The following CSMD1 variants were observed in gnomAD, a reference collection of about 807,000 sequenced individuals.
The protein encoded by CSMD1 is CUB and sushi domain-containing protein 1.
CSMD1 carries 213 observed loss-of-function variants against 417.5 expected under a neutral mutation model. The observed-to-expected ratio is 0.51, with a 90% CI of 0.46 to 0.57. The LOEUF (loss-of-function observed/expected upper bound fraction) is 0.57. Among genes scored for constraint, CSMD1 ranks in the 20% least tolerant of loss-of-function variants. The pLI is 0.00. For synonymous variants in CSMD1, 2,862 were observed against 1,736.8 expected (o/e 1.65, Z -16.11); for missense variants, 6,923 against 4,529.7 (o/e 1.53, Z -15.17).
intron 49 of CSMD1, among the ~76,000 whole-genome samples, chr8:3,075,489 C>T (rs180898756): frequency 5.6e-4 from 85 of 151,718 alleles, no homozygotes; most frequent in African/African-American, 2.0e-3. Flanking sequence ...CCACGTTGGT[C>T]AGGCTGGTCT....
chr8:3,366,280 G>A lies in CSMD1; in HGVS notation c.3115+752C>T, dbSNP rs191402829. Among the ~76,000 whole-genome samples, 533 of 152,228 alleles carry A rather than the reference G, an allele frequency of 3.5e-3. 2 individuals carry two copies. Among genetic ancestry groups the A allele is most frequent in the Non-Finnish European group, 5.9e-3 (404 of 68,026 alleles). On this transcript the variant is annotated intron_variant, in intron 20 of 69. Coordinates refer to ENST00000635120, the MANE Select transcript of CSMD1 (RefSeq NM_033225.6). ...TGCTGGAAATGAAGACACTGCAGAG[G>A]TTCTCAGTGTGACCTGTTCACTGAG...
intron 3 of CSMD1, among the ~76,000 whole-genome samples, chr8:4,082,111 A>T (rs1336561678): frequency 6.6e-6 from 1 of 152,182 alleles, no homozygotes; most frequent in Non-Finnish European, 1.5e-5. Flanking sequence ...AAGAAGAGAT[A>T]TGTATTAACT....
At chr8:4,312,254 A>C (rs2128879326) in intron 3 of CSMD1, among the ~76,000 whole-genome samples, 1 of 151,718 alleles carries the variant, frequency 6.6e-6, no homozygotes, top group Admixed American at 6.6e-5. Context: ...TTGCAATCCT[A>C]ATTTATTGGC....
chr8:3,967,929 A>C (rs931560395), intron 5 of CSMD1, among the ~76,000 whole-genome samples: 17 of 146,094 alleles, frequency 1.2e-4, no homozygotes, highest in Non-Finnish European at 1.0e-4. Flanking sequence ...GCACTTTGGG[A>C]GGCCGAGGTG....
chr8:4,310,259 G>C (rs769534497), intron 3 of CSMD1, among the ~76,000 whole-genome samples: 2 of 152,130 alleles, frequency 1.3e-5, no homozygotes, highest in African/African-American at 2.4e-5. Context: ...AAAATATGAA[G>C]TTAGAACTGT....
chr8:4,618,155 C>G (rs1056331283), intron 2 of CSMD1, among the ~76,000 whole-genome samples: 1 of 152,064 alleles, frequency 6.6e-6, no homozygotes, highest in Non-Finnish European at 1.5e-5. Context: ...AAACCAGAAC[C>G]CAAACCTAGG....
At chr8:4,325,519 C>T (rs1340921153) in intron 3 of CSMD1, among the ~76,000 whole-genome samples, 4 of 152,200 alleles carry the variant, frequency 2.6e-5, no homozygotes, top group Admixed American at 6.5e-5. Flanking sequence ...TGCATACTCA[C>T]TTTGCATGAA....
intron 7 of CSMD1, among the ~76,000 whole-genome samples, chr8:3,641,965 G>A (rs1351643895): frequency 6.6e-6 from 1 of 152,038 alleles, no homozygotes; most frequent in African/African-American, 2.4e-5. Context: ...GACACAGATG[G>A]GGAGAGAGCA....
chr8:4,666,743 A>G (rs995569386), intron 1 of CSMD1, among the ~76,000 whole-genome samples: 1 of 152,180 alleles, frequency 6.6e-6, no homozygotes, highest in East Asian at 1.9e-4. Flanking sequence ...TTCTTCATAC[A>G]GTCAAGTCCT....
intron 4 of CSMD1, among the ~76,000 whole-genome samples, chr8:4,028,959 T>C (rs556776475): frequency 5.9e-5 from 9 of 152,300 alleles, no homozygotes; most frequent in South Asian, 2.1e-4. Flanking sequence ...AATGTAAAAA[T>C]AGCAGTGTTG....
At chr8:4,755,069 C>T (rs1243351063) in intron 1 of CSMD1, among the ~76,000 whole-genome samples, 1 of 152,074 alleles carries the variant, frequency 6.6e-6, no homozygotes, top group Non-Finnish European at 1.5e-5. Context: ...ACCCGGGAGG[C>T]GGAAGTTGCA....
chr8:3,678,612 T>C (rs1799500130), intron 7 of CSMD1, among the ~76,000 whole-genome samples: 2 of 152,154 alleles, frequency 1.3e-5, no homozygotes, highest in Admixed American at 1.3e-4. Context: ...GAAAACACTC[T>C]GCAGGACATT....
chr8:3,047,213 CA>C (rs749861179), intron 50 of CSMD1, among the ~76,000 whole-genome samples: 11,716 of 72,520 alleles, frequency 0.16, 368 homozygotes, highest in African/African-American at 0.25. Context: ...GACTCCCTCT[CA>C]AAAAAAAAAA....
intron 1 of CSMD1, among the ~76,000 whole-genome samples, chr8:4,757,281 A>C (rs978614184): frequency 6.6e-6 from 1 of 152,220 alleles, no homozygotes; most frequent in Non-Finnish European, 1.5e-5. Context: ...ATGATAATGG[A>C]AATAAAAGAT....
chr8:4,784,918 T>G (rs1282361960), intron 1 of CSMD1, among the ~76,000 whole-genome samples: 1 of 152,104 alleles, frequency 6.6e-6, no homozygotes, highest in Non-Finnish European at 1.5e-5. Flanking sequence ...GCATTGAAAG[T>G]TTATGTTTGT....
chr8:4,534,666 G>C (rs2204530), intron 2 of CSMD1, among the ~76,000 whole-genome samples: 139,039 of 152,144 alleles, frequency 0.91, 64,805 homozygotes, highest in East Asian at 1. Context: ...TTAGTTCCCA[G>C]TTATAAGTGA....
At chr8:4,496,869 A>G (rs978129397) in intron 2 of CSMD1, among the ~76,000 whole-genome samples, 1 of 152,178 alleles carries the variant, frequency 6.6e-6, no homozygotes, top group African/African-American at 2.4e-5. Flanking sequence ...ATATCAGGAC[A>G]GATCTTTCCC....
chr8:4,168,516 T>G (rs1296316804), intron 3 of CSMD1, among the ~76,000 whole-genome samples: 3 of 151,966 alleles, frequency 2.0e-5, no homozygotes, highest in Non-Finnish European at 4.4e-5. Context: ...AACACTAGAT[T>G]AAAATAAGTT....
intron 1 of CSMD1, among the ~76,000 whole-genome samples, chr8:4,703,967 G>A (rs893319534): frequency 1.3e-5 from 2 of 152,118 alleles, no homozygotes; most frequent in Non-Finnish European, 2.9e-5. Flanking sequence ...CCTCACACAT[G>A]CAGTTCACAG....
Sources: allele counts gnomAD v4.1 joint callset (sites outside exome capture counted in the v4.1 genomes callset), GRCh38; gene constraint gnomAD v4.1.1; transcripts MANE v1.5; gene names NCBI Gene and HGNC (gene_info 2026-07-23, HGNC 2026-07-21).